The following MYH10 variants were observed in gnomAD, a reference collection of about 807,000 sequenced individuals.
MYH10 encodes myosin heavy chain 10.
In MYH10, 55 loss-of-function variants were observed where a neutral mutation model predicts 257.8. That is an observed-to-expected ratio of 0.21 (90% confidence interval 0.17 to 0.27). The LOEUF (loss-of-function observed/expected upper bound fraction) is 0.27. Ranked by LOEUF, MYH10 falls within the 10% of genes least tolerant of loss-of-function variation. The pLI is 1.00. For synonymous variants in MYH10, 854 were observed against 921.7 expected (o/e 0.93, Z 1.33); for missense variants, 1,631 against 2,500.6 (o/e 0.65, Z 7.42).
chr17:8,529,027 G>A (rs1429692550), intron 17 of MYH10, among the ~76,000 whole-genome samples: 3 of 152,150 alleles, frequency 2.0e-5, no homozygotes, highest in African/African-American at 7.2e-5. Flanking sequence ...AGGGGAATGA[G>A]CCACCCCGCT....
rs765127064 is a variant in MYH10 at position 8,504,911 on chromosome 17, TA to T, written c.3387-6del. The stretch of plus-strand genomic sequence containing the variant: ...TGGAGTGTTTCATCATCACCTCTGT[TA>T]AAACACCCAGGCGCAAGAGGCACTC... On this transcript the variant is annotated splice_polypyrimidine_tract_variant and splice_region_variant and intron_variant, in intron 27 of 42. Coordinates refer to ENST00000360416, the MANE Select transcript of MYH10 (RefSeq NM_001256012.3). This position sits in a 1 kb window ranked among gnomAD's most constrained non-coding sequence, Gnocchi z 5.6. 1 of 1,613,398 alleles carries T rather than the reference TA, an allele frequency of 6.2e-7. No homozygotes were observed.
At chr17:8,610,492 G>A (rs977557914) in intron 2 of MYH10, among the ~76,000 whole-genome samples, 1 of 151,880 alleles carries the variant, frequency 6.6e-6, no homozygotes, top group Non-Finnish European at 1.5e-5. Context: ...GATTAAAAGT[G>A]ATATAACAAT....
intron 8 of MYH10, 103 bp downstream of exon 8, chr17:8,553,852 T>C (rs563310630): frequency 1.1e-5 from 10 of 902,488 alleles, no homozygotes; most frequent in Non-Finnish European, 1.8e-5. Flanking sequence ...GCTCAAGTTT[T>C]ATCATCTGGA....
chr17:8,536,809 A>AAG (rs1160981719), intron 14 of MYH10, among the ~76,000 whole-genome samples: 16 of 151,872 alleles, frequency 1.1e-4, no homozygotes, highest in Non-Finnish European at 1.8e-4. Flanking sequence ...AAAAAAAAAA[A>AAG]AAAAGCGCTA....
At chr17:8,502,480 T>TTGTGTGTGTGTGTG (rs55865122) in intron 28 of MYH10, among the ~76,000 whole-genome samples, 9,550 of 150,194 alleles carry the variant, frequency 0.064, 368 homozygotes, top group Non-Finnish European at 0.088. Context: ...GGGAAAATAG[T>TTGTGTGTGTGTGTG]TGTGTGTGTG....
intron 14 of MYH10, among the ~76,000 whole-genome samples, chr17:8,538,228 G>A (rs888831826): frequency 1.3e-5 from 2 of 152,036 alleles, no homozygotes; most frequent in East Asian, 1.9e-4. Context: ...TTTTTGAGAC[G>A]GAGTCTCGCT....
At chr17:8,522,272 T>C (rs2081680293) in intron 17 of MYH10, among the ~76,000 whole-genome samples, 1 of 152,252 alleles carries the variant, frequency 6.6e-6, no homozygotes, top group African/African-American at 2.4e-5. Flanking sequence ...TGACACTGTA[T>C]GAAGAGCTTT....
At chr17:8,509,733 T>G in intron 25 of MYH10, 79 bp downstream of exon 25, 1 of 1,340,478 alleles carries the variant, frequency 7.5e-7, no homozygotes, top group Non-Finnish European at 9.9e-7. Flanking sequence ...TGAGTTCACT[T>G]TCAATGAGTG....
chr17:8,602,870 A>T (rs567871872), intron 3 of MYH10, among the ~76,000 whole-genome samples: 6 of 152,326 alleles, frequency 3.9e-5, no homozygotes, highest in Admixed American at 6.5e-5. Flanking sequence ...ACTAAATAAG[A>T]CACAAAGCCT....
chr17:8,561,557 T>C (rs940863605), intron 7 of MYH10: 3 of 1,062,258 alleles, frequency 2.8e-6, no homozygotes, highest in Non-Finnish European at 4.3e-6. Flanking sequence ...GCCCCATGTC[T>C]CCCACCAAAG....
At chr17:8,517,719 C>A (rs1181050789) in intron 21 of MYH10, among the ~76,000 whole-genome samples, 1 of 152,212 alleles carries the variant, frequency 6.6e-6, no homozygotes, top group African/African-American at 2.4e-5. Flanking sequence ...ATTCTGCCTA[C>A]CGCAGCCAGG....
intron 16 of MYH10, among the ~76,000 whole-genome samples, chr17:8,533,486 T>C (rs1399455914): frequency 6.6e-6 from 1 of 152,098 alleles, no homozygotes; most frequent in East Asian, 1.9e-4. Context: ...CCCCAGACAC[T>C]CACTCCTAGA....
chr17:8,518,025 C>T (rs929755110), intron 21 of MYH10, among the ~76,000 whole-genome samples: 2 of 123,628 alleles, frequency 1.6e-5, no homozygotes, highest in Admixed American at 1.6e-4. Flanking sequence ...CCCTTGGCCC[C>T]GTGTGTGTGT....
intron 2 of MYH10, among the ~76,000 whole-genome samples, chr17:8,613,853 AAAGT>A (rs1307707459): frequency 2.6e-5 from 4 of 152,212 alleles, no homozygotes; most frequent in African/African-American, 4.8e-5. Flanking sequence ...AGAAAAGCTG[AAAGT>A]AAGTTAAGAA....
Position 8,508,538 on chromosome 17 carries a change from A to G in MYH10, c.3214+16T>C. The stretch of plus-strand genomic sequence containing the variant: ...ACATGTCCTAGTCCCTGATTTCTCT[A>G]GCCCCAAATACTAACCTTCTAAATC... On this transcript the variant is annotated intron_variant, in intron 26 of 42. Transcript: ENST00000360416. The G allele has an allele frequency of 3.1e-6, 5 of 1,614,040 alleles. No homozygotes were observed. The highest frequency in any genetic ancestry group is 1.1e-5 in the South Asian group (1 of 91,072).
Position 8,506,444 on chromosome 17 carries a change from G to A in MYH10, c.3260C>T (p.Ala1087Val). 1 of 1,612,216 alleles carries A rather than the reference G, an allele frequency of 6.2e-7. No individual in the cohort carries two copies. Among genetic ancestry groups the A allele is most frequent in the Non-Finnish European group, 8.5e-7 (1 of 1,179,404 alleles). Residue 1087 changes from alanine (A) to valine (V), a missense_variant, in exon 27 of 43, where the codon GCC (alanine) becomes GTC (valine). Coordinates refer to ENST00000360416, the MANE Select transcript of MYH10 (RefSeq NM_001256012.3). The surrounding 1 kb of genome is among the most constrained non-coding windows in gnomAD (Gnocchi z 5.0). ...EEKTRQELEK[A>V]KRKLDGETTD... ...CGTCTCCCCGTCGAGTTTTCTTTTG[G>A]CCTTTTCCAGTTCCTGACGAGTCTT...
intron 16 of MYH10, among the ~76,000 whole-genome samples, chr17:8,532,732 A>G (rs1567858262): frequency 6.6e-6 from 1 of 152,234 alleles, no homozygotes; most frequent in African/African-American, 2.4e-5. Flanking sequence ...GCATCTGTGT[A>G]TATCCTGGTT....
At chr17:8,579,276 CTA>C (rs760194636) in intron 4 of MYH10, among the ~76,000 whole-genome samples, 1 of 71,614 alleles carries the variant, frequency 1.4e-5, no homozygotes, top group East Asian at 4.7e-4. Context: ...AAGACCCTGT[CTA>C]AAAAAAAAAA....
intron 7 of MYH10, among the ~76,000 whole-genome samples, chr17:8,565,471 A>G (rs1029458074): frequency 1.3e-5 from 2 of 152,242 alleles, no homozygotes; most frequent in Admixed American, 1.3e-4. Context: ...TTATGATAAC[A>G]GTAGATAGCA....
Sources: allele counts gnomAD v4.1 joint callset (sites outside exome capture counted in the v4.1 genomes callset), GRCh38; gene constraint gnomAD v4.1.1; non-coding constraint Gnocchi (gnomAD v3.1); transcripts MANE v1.5; gene names NCBI Gene and HGNC (gene_info 2026-07-23, HGNC 2026-07-21).